The following GPHN variants were observed in gnomAD, a reference collection of about 807,000 sequenced individuals.
GPHN encodes the protein gephyrin.
GPHN carries 17 observed loss-of-function variants against 95.5 expected under a neutral mutation model. That is an observed-to-expected ratio of 0.18 (90% CI 0.12 to 0.27). The LOEUF (loss-of-function observed/expected upper bound fraction) is 0.27. Among genes scored for constraint, GPHN ranks in the 10% least tolerant of loss-of-function variants. The pLI is 1.00. For synonymous variants in GPHN, 320 were observed against 322.5 expected (o/e 0.99, Z 0.08); for missense variants, 660 against 978.1 (o/e 0.67, Z 4.34).
the GPHN span, chr14:67,578,477 A>C: frequency 8.4e-7 from 1 of 1,184,850 alleles, no homozygotes; most frequent in Non-Finnish European, 1.2e-6. This position sits in a 1 kb window ranked among gnomAD's most constrained non-coding sequence, Gnocchi z 5.0. Flanking sequence ...CAGGGCTATG[A>C]GGACAGGTGG....
the GPHN span, among the ~76,000 whole-genome samples, chr14:67,307,707 C>T: frequency 3.9e-5 from 6 of 152,044 alleles, no homozygotes; most frequent in Non-Finnish European, 8.8e-5. Flanking sequence ...TTCCTTGACT[C>T]ACTTTCACTA....
At chr14:67,536,419 A>C in the GPHN span, among the ~76,000 whole-genome samples, 1 of 151,816 alleles carries the variant, frequency 6.6e-6, no homozygotes, top group African/African-American at 2.4e-5. Context: ...CCTCACTAGC[A>C]AGTGGAAGTC....
chr14:67,558,543 T>C, the GPHN span, among the ~76,000 whole-genome samples: 94,580 of 152,048 alleles, frequency 0.62, 29,638 homozygotes, highest in Non-Finnish European at 0.65. Context: ...TGGCAGCATC[T>C]TGGGGGTTGG....
intron 1 of GPHN, among the ~76,000 whole-genome samples, chr14:66,557,561 G>A (rs1351939687): frequency 2.0e-5 from 3 of 152,280 alleles, no homozygotes; most frequent in Middle Eastern, 6.8e-3. Flanking sequence ...GGGAAAATAA[G>A]TTACTTTTTT....
At chr14:67,688,035 A>C in the GPHN span, among the ~76,000 whole-genome samples, 1 of 152,222 alleles carries the variant, frequency 6.6e-6, no homozygotes, top group East Asian at 1.9e-4. Flanking sequence ...GGCCTCCCAA[A>C]GTGCTGGGAT....
the GPHN span, among the ~76,000 whole-genome samples, chr14:67,215,513 A>AAACAAC: frequency 4.4e-4 from 67 of 151,252 alleles, no homozygotes; most frequent in East Asian, 4.5e-3. Flanking sequence ...AAAGATTAAA[A>AAACAAC]AACAACAACA....
chr14:67,410,274 T>G, the GPHN span, among the ~76,000 whole-genome samples: 15 of 151,934 alleles, frequency 9.9e-5, no homozygotes, highest in South Asian at 3.1e-3. Context: ...CCTCCAAAAC[T>G]CCCAAAGCTC....
intron 8 of GPHN, among the ~76,000 whole-genome samples, chr14:66,931,467 C>T (rs890454572): frequency 6.6e-6 from 1 of 152,162 alleles, no homozygotes; most frequent in African/African-American, 2.4e-5. Flanking sequence ...CTCTCTCTCT[C>T]TCTACCTTTT....
chr14:66,553,242 C>T (rs550578030), intron 1 of GPHN, among the ~76,000 whole-genome samples: 106 of 152,210 alleles, frequency 7.0e-4, no homozygotes, highest in African/African-American at 2.4e-3. Context: ...CTGCCCGCCT[C>T]GGCCTCTCAA....
chr14:66,823,572 C>T (rs774872866), intron 3 of GPHN, among the ~76,000 whole-genome samples: 1 of 152,074 alleles, frequency 6.6e-6, no homozygotes, highest in Non-Finnish European at 1.5e-5. Flanking sequence ...ATTAATTAAT[C>T]ATTGCACAGA....
intron 1 of GPHN, among the ~76,000 whole-genome samples, chr14:66,571,852 C>T (rs1030295779): frequency 3.3e-5 from 5 of 152,092 alleles, no homozygotes; most frequent in African/African-American, 1.2e-4. Flanking sequence ...ATTCCCTGGA[C>T]CAATGCCAGG....
intron 3 of GPHN, among the ~76,000 whole-genome samples, chr14:66,814,180 T>C (rs993551246): frequency 6.6e-6 from 1 of 152,122 alleles, no homozygotes; most frequent in Non-Finnish European, 1.5e-5. Flanking sequence ...ACCCCACCCT[T>C]GCACTAACAT....
At chr14:67,654,800 C>A in the GPHN span, among the ~76,000 whole-genome samples, 1 of 151,698 alleles carries the variant, frequency 6.6e-6, no homozygotes. Context: ...GAGGCTGAGG[C>A]GGGCAGATCA....
chr14:66,973,628 G>A (rs1158326423), intron 9 of GPHN, among the ~76,000 whole-genome samples: 1 of 152,086 alleles, frequency 6.6e-6, no homozygotes, highest in African/African-American at 2.4e-5. Flanking sequence ...GCGTGGTGGT[G>A]GGCGCCTGTA....
chr14:67,574,220 C>T, the GPHN span: 537 of 1,566,402 alleles, frequency 3.4e-4, 2 homozygotes, highest in African/African-American at 6.7e-3. This position sits in a 1 kb window ranked among gnomAD's most constrained non-coding sequence, Gnocchi z 4.2. Context: ...GCTGCCCCAC[C>T]CCCATATCTC....
At chr14:67,302,402 A>T in the GPHN span, 4,194 of 1,517,370 alleles carry the variant, frequency 2.8e-3, 7 homozygotes, top group Non-Finnish European at 3.1e-3. Context: ...ACATATATAT[A>T]TTTTTAGGGT....
At chr14:67,083,943 T>C (rs947404439) in intron 11 of GPHN, among the ~76,000 whole-genome samples, 1 of 152,202 alleles carries the variant, frequency 6.6e-6, no homozygotes, top group Non-Finnish European at 1.5e-5. Context: ...GATATTTTCT[T>C]GTAGTCATAA....
At chr14:67,531,910 CAA>C in the GPHN span, among the ~76,000 whole-genome samples, 9,718 of 79,526 alleles carry the variant, frequency 0.12, 452 homozygotes, top group Middle Eastern at 0.22. Context: ...AACCTATGTC[CAA>C]AAAAAAAAAA....
chr14:67,188,815 T>TTTTCTTTTTCTTTCTTTCTTTCTTTTC, the GPHN span, among the ~76,000 whole-genome samples: 1 of 151,436 alleles, frequency 6.6e-6, no homozygotes, highest in Non-Finnish European at 1.5e-5. Flanking sequence ...CTTCCTTTCT[T>TTTTCTTTTTCTTTCTTTCTTTCTTTTC]TTTCTTTTTC....
Sources: allele counts gnomAD v4.1 joint callset (sites outside exome capture counted in the v4.1 genomes callset), GRCh38; gene constraint gnomAD v4.1.1; non-coding constraint Gnocchi (gnomAD v3.1); transcripts MANE v1.5; gene names NCBI Gene and HGNC (gene_info 2026-07-23, HGNC 2026-07-21).